ALX4: variants seen among roughly 807,000 people sequenced by gnomAD.
ALX4 encodes the protein homeobox protein aristaless-like 4.
In ALX4, 22 loss-of-function variants were observed where a neutral mutation model predicts 40.6. The observed-to-expected ratio is 0.54, with a 90% CI of 0.39 to 0.77. The LOEUF (loss-of-function observed/expected upper bound fraction) is 0.77. Among genes scored for constraint, ALX4 ranks in the 30% least tolerant of loss-of-function variants. ALX4 has a pLI of 0.00. For synonymous variants in ALX4, 266 were observed against 240.5 expected (o/e 1.11, Z -0.98); for missense variants, 556 against 564.8 (o/e 0.98, Z 0.16).
At chr11:44,271,482 G>A (rs1050541712) in intron 2 of ALX4, among the ~76,000 whole-genome samples, 2 of 152,140 alleles carry the variant, frequency 1.3e-5, no homozygotes, top group African/African-American at 4.8e-5. Context: ...CTCCCACTAG[G>A]TGATAAGATA....
At position 44,267,394 on chromosome 11, in the gene ALX4, C is replaced by T. The variant is rs558538343; in HGVS notation, c.906+100G>A. On this transcript the variant is annotated intron_variant, in intron 3 of 3. Coordinates refer to ENST00000652299, the MANE Select transcript of ALX4 (RefSeq NM_021926.4). Reference sequence around the variant, plus strand: ...AATGAGACGGAAGGGCAGCCTGGAGCCATAAGTCATCTCGGGGTGCCTGGG... The same window carrying T: ...AATGAGACGGAAGGGCAGCCTGGAGTCATAAGTCATCTCGGGGTGCCTGGG... The T allele has an allele frequency of 3.8e-5, 58 of 1,508,716 alleles. No individual in the cohort carries two copies. In the East Asian group the frequency reaches 9.3e-4, roughly 24 times the overall value. The allele number at this position is 1,508,716 out of a possible 1,614,324, so 93.5% of individuals were successfully genotyped here.
chr11:44,306,435 G>T (rs1342179251), intron 1 of ALX4, among the ~76,000 whole-genome samples: 3 of 152,264 alleles, frequency 2.0e-5, no homozygotes, highest in African/African-American at 7.2e-5. Flanking sequence ...GAGGCAATTG[G>T]ACTCTGCCGG....
At chr11:44,285,244 C>T (rs1266666279) in intron 1 of ALX4, among the ~76,000 whole-genome samples, 1 of 152,224 alleles carries the variant, frequency 6.6e-6, no homozygotes, top group Non-Finnish European at 1.5e-5. Flanking sequence ...GGATTACAGG[C>T]GTGAGCCACC....
At chr11:44,271,293 G>T (rs1417422252) in intron 2 of ALX4, among the ~76,000 whole-genome samples, 1 of 152,206 alleles carries the variant, frequency 6.6e-6, no homozygotes, top group Non-Finnish European at 1.5e-5. Context: ...GCAAACTAAA[G>T]TCAAAGAAGC....
rs753270187 is a variant in ALX4, at chr11:44,264,970, T to C, written c.1120A>G (p.Ser374Gly). The C allele has an allele frequency of 3.7e-6, 6 of 1,613,186 alleles. No individual in the cohort carries two copies. In the East Asian group the frequency reaches 1.3e-4, roughly 36 times the overall value. Residue 374 changes from serine to glycine, a missense_variant, in exon 4 of 4, where the codon AGC (serine) becomes GGC (glycine). By Grantham distance (56) the Ser-to-Gly change is moderately conservative. Coordinates refer to ENST00000652299, the MANE Select transcript of ALX4 (RefSeq NM_021926.4). ...MGSLFGAASLSPGLNGYELNG... is the reference protein window; with the variant it reads ...MGSLFGAASLGPGLNGYELNG... ...AGCTCGTAGCCATTGAGGCCTGGGC[T>C]GAGGCTGGCTGCTCCAAACAGGCTG...
chr11:44,272,226 C>T (rs912578249), intron 2 of ALX4, among the ~76,000 whole-genome samples: 2 of 152,172 alleles, frequency 1.3e-5, no homozygotes, highest in Non-Finnish European at 2.9e-5. Flanking sequence ...GGCAGTCTTG[C>T]CAGGTGCAGT....
chr11:44,306,215 G>A (rs1292509971), intron 1 of ALX4, among the ~76,000 whole-genome samples: 2 of 152,250 alleles, frequency 1.3e-5, no homozygotes, highest in Non-Finnish European at 2.9e-5. Flanking sequence ...GGACACTGCG[G>A]AGCCGCCTTA....
intron 1 of ALX4, among the ~76,000 whole-genome samples, chr11:44,308,944 G>C (rs1465993448): frequency 1.3e-5 from 2 of 152,362 alleles, no homozygotes; most frequent in South Asian, 2.1e-4. Flanking sequence ...CCCAGGACTC[G>C]GGTCTTGCCA....
At chr11:44,269,767 G>A (rs1956234375) in intron 2 of ALX4, among the ~76,000 whole-genome samples, 1 of 152,220 alleles carries the variant, frequency 6.6e-6, no homozygotes, top group South Asian at 2.1e-4. Context: ...CTTTATCAGT[G>A]GCCTGGGATG....
intron 1 of ALX4, among the ~76,000 whole-genome samples, chr11:44,286,020 G>C (rs954195884): frequency 2.0e-5 from 3 of 152,238 alleles, no homozygotes; most frequent in Non-Finnish European, 4.4e-5. Context: ...TTCTGCCTCT[G>C]GTTTGGCTGG....
chr11:44,265,257 G>C (rs1380516552), intron 3 of ALX4, 74 bp from the exon 4 acceptor site: 12 of 1,346,024 alleles, frequency 8.9e-6, no homozygotes, highest in Non-Finnish European at 1.2e-5. Flanking sequence ...CCTTCCCCCA[G>C]AGCACCTCTC....
chr11:44,275,683 G>A lies in ALX4; in HGVS notation c.467-25C>T, dbSNP rs772643460. 2.5e-6 allele frequency: 4 copies of A among 1,608,658 alleles called. No homozygotes were observed. The Admixed American group carries it at 5.0e-5, about 20-fold the overall frequency. On this transcript the variant is annotated intron_variant, in intron 1 of 3. Transcript: ENST00000652299. ...GCTGAGGGAGGAGGAAACAAAGTCA[G>A]AAACCAATGGTTGAACCAAACAAGA...
At position 44,310,118 on chromosome 11, in the gene ALX4, C is replaced by A. The variant is rs904596139; in HGVS notation, c.-56G>T. ...GCGAGCGAGGGCGCGAGGACGCCAC[C>A]GCGCGCCTTGGCTGGGAGTTTGGGG... On this transcript the variant is annotated 5_prime_UTR_variant, in exon 1 of 4. Transcript: ENST00000652299. 7 of 1,521,860 alleles carry A rather than the reference C, an allele frequency of 4.6e-6. No homozygotes were observed. The Admixed American group carries it at 1.0e-4, about 22-fold the overall frequency. 94.3% of individuals were successfully genotyped at this position (1,521,860 alleles called of 1,614,324 possible).
intron 1 of ALX4, among the ~76,000 whole-genome samples, chr11:44,295,763 T>G (rs1294117252): frequency 6.6e-6 from 1 of 152,208 alleles, no homozygotes; most frequent in East Asian, 1.9e-4. Context: ...ATAAAGGAAG[T>G]GGTCCCAGAT....
intron 1 of ALX4, among the ~76,000 whole-genome samples, chr11:44,300,623 A>G (rs1488220329): frequency 1.3e-5 from 2 of 152,162 alleles, no homozygotes; most frequent in Non-Finnish European, 2.9e-5. Flanking sequence ...TACGGGGCAG[A>G]CACACTACCT....
At chr11:44,299,831 G>A (rs1267221767) in intron 1 of ALX4, among the ~76,000 whole-genome samples, 2 of 152,168 alleles carry the variant, frequency 1.3e-5, no homozygotes, top group African/African-American at 2.4e-5. Context: ...CACTGTGGAC[G>A]AGTTACTTAT....
At chr11:44,265,908 G>A (rs1590685833) in intron 3 of ALX4, among the ~76,000 whole-genome samples, 1 of 152,080 alleles carries the variant, frequency 6.6e-6, no homozygotes, top group South Asian at 2.1e-4. Context: ...CCTCCCCAAC[G>A]TTCACCTGGG....
intron 1 of ALX4, among the ~76,000 whole-genome samples, chr11:44,295,224 T>A (rs1293266789): frequency 2.6e-5 from 4 of 152,156 alleles, no homozygotes; most frequent in African/African-American, 7.2e-5. Context: ...TATCCCCACT[T>A]TACAGGTAAA....
At chr11:44,269,012 G>A (rs2135308381) in intron 2 of ALX4, among the ~76,000 whole-genome samples, 1 of 152,336 alleles carries the variant, frequency 6.6e-6, no homozygotes. Context: ...CTGCTCTCCA[G>A]GTGGAAACAT....
Sources: allele counts gnomAD v4.1 joint callset (sites outside exome capture counted in the v4.1 genomes callset), GRCh38; gene constraint gnomAD v4.1.1; transcripts MANE v1.5; gene names NCBI Gene and HGNC (gene_info 2026-07-23, HGNC 2026-07-21).